CSMD2: variants seen among roughly 807,000 people sequenced by gnomAD.
The protein encoded by CSMD2 is CUB and Sushi multiple domains 2.
A neutral mutation model predicts 398.5 loss-of-function variants in CSMD2; 130 were observed. That is an observed-to-expected ratio of 0.33 (90% confidence interval 0.28 to 0.38). The LOEUF (loss-of-function observed/expected upper bound fraction) is 0.38. Ranked by LOEUF, CSMD2 falls within the 10% of genes least tolerant of loss-of-function variation. The pLI, the probability that CSMD2 is intolerant of heterozygous loss-of-function variation, is 1.00. For synonymous variants in CSMD2, 1,828 were observed against 1,908.5 expected, an observed-to-expected ratio of 0.96 and a Z score of 1.10; for missense variants, 3,829 against 4,764.9, an observed-to-expected ratio of 0.80 and a Z score of 5.78.
chr1:34,040,310 C>A (rs1651704993), intron 2 of CSMD2, among the ~76,000 whole-genome samples: 1 of 152,132 alleles, frequency 6.6e-6, no homozygotes, highest in Non-Finnish European at 1.5e-5. Context: ...TATTTTAGGT[C>A]AACAAAGTCC....
chr1:33,575,274 G>A (rs1223408322), intron 49 of CSMD2, among the ~76,000 whole-genome samples: 1 of 152,188 alleles, frequency 6.6e-6, no homozygotes. Context: ...AGGAAGAGTG[G>A]AAAAGTCATG....
intron 29 of CSMD2, among the ~76,000 whole-genome samples, chr1:33,639,895 C>T (rs992478670): frequency 3.3e-5 from 5 of 152,166 alleles, no homozygotes; most frequent in Non-Finnish European, 4.4e-5. Context: ...ATTTGTGTCT[C>T]ACAATACCCT....
At chr1:33,955,578 A>C (rs1645141075) in intron 3 of CSMD2, among the ~76,000 whole-genome samples, 1 of 152,162 alleles carries the variant, frequency 6.6e-6, no homozygotes, top group Admixed American at 6.5e-5. Context: ...ATCTTAACGA[A>C]AGTCACTCAG....
Position 33,633,395 on chromosome 1 carries a change from T to A in CSMD2, c.5200+27A>T. On this transcript the variant is annotated intron_variant, in intron 32 of 70. Transcript: ENST00000373381. This position sits in a 1 kb window ranked among gnomAD's most constrained non-coding sequence, Gnocchi z 5.0. ...ACGTGATGCCCCCGGCCCACAACCA[T>A]CCCCACACTGGCCGAGCCCCGGATA... 6.6e-7 allele frequency: 1 copy of A among 1,508,582 alleles called. No individual in the cohort carries two copies. Among genetic ancestry groups the A allele is most frequent in the Non-Finnish European group, 9.0e-7 (1 of 1,109,168 alleles). The allele number at this position is 1,508,582 out of a possible 1,614,324, so 93.4% of individuals were successfully genotyped here. A position where few individuals can be genotyped will look rare whatever the true frequency, so the allele number is the denominator to read the frequency against.
chr1:33,682,583 G>T (rs1644942726), intron 25 of CSMD2, among the ~76,000 whole-genome samples: 1 of 152,226 alleles, frequency 6.6e-6, no homozygotes, highest in Non-Finnish European at 1.5e-5. Flanking sequence ...TTATGGAAAA[G>T]AAAAGGAGTC....
At chr1:33,542,635 C>T in intron 58 of CSMD2, 85 bp downstream of exon 58, 9 of 1,267,732 alleles carry the variant, frequency 7.1e-6, no homozygotes, top group African/African-American at 1.5e-5. Flanking sequence ...CCATTCTGCA[C>T]CATCTTCCAT....
In CSMD2 at chr1:33,763,539, G is replaced by T. The variant is rs144235569; in HGVS notation, c.1846+9030C>A. ...TCCTATAAAGTACCTGACTGTTTAG[G>T]CATAAAGGAAACAAGTGATGTATGT... On this transcript the variant is annotated intron_variant, in intron 13 of 70. Transcript: ENST00000373381. Among the ~76,000 whole-genome samples the T allele has an allele frequency of 9.8e-5, 15 of 152,286 alleles. No individual in the cohort carries two copies. The East Asian group carries it at 1.9e-3, about 20-fold the overall frequency.
At chr1:33,903,433 TATTA>T (rs1438589334) in intron 5 of CSMD2, among the ~76,000 whole-genome samples, 6 of 152,146 alleles carry the variant, frequency 3.9e-5, no homozygotes, top group Non-Finnish European at 8.8e-5. Flanking sequence ...GCTGATTAAT[TATTA>T]ATCAGACTGA....
chr1:33,870,459 C>T (rs1425361738), intron 5 of CSMD2: 1 of 152,156 alleles, frequency 6.6e-6, no homozygotes, highest in Non-Finnish European at 1.5e-5. Context: ...TTACCAGTGA[C>T]ACAATGAACA....
At chr1:34,138,427 C>T (rs539257193) in intron 1 of CSMD2, among the ~76,000 whole-genome samples, 1 of 152,330 alleles carries the variant, frequency 6.6e-6, no homozygotes, top group East Asian at 1.9e-4. Context: ...TCCTTCACCT[C>T]CCTGAGCCTC....
At chr1:33,757,351 A>T (rs1649182368) in intron 13 of CSMD2, among the ~76,000 whole-genome samples, 1 of 152,150 alleles carries the variant, frequency 6.6e-6, no homozygotes, top group Non-Finnish European at 1.5e-5. Context: ...TTGTCACAGC[A>T]ACTTAAAACA....
At chr1:33,930,558 C>A (rs534789546) in intron 4 of CSMD2, among the ~76,000 whole-genome samples, 1 of 152,344 alleles carries the variant, frequency 6.6e-6, no homozygotes, top group Non-Finnish European at 1.5e-5. Flanking sequence ...CTCTGGCCAG[C>A]TTTCTCCCTA....
At chr1:34,103,579 G>A (rs769273886) in intron 1 of CSMD2, among the ~76,000 whole-genome samples, 2 of 152,118 alleles carry the variant, frequency 1.3e-5, no homozygotes, top group Non-Finnish European at 2.9e-5. Flanking sequence ...ACAGGTGTGA[G>A]CCACTGCGTC....
chr1:33,544,273 ATTT>A (rs34986232), intron 57 of CSMD2, among the ~76,000 whole-genome samples: 1 of 136,942 alleles, frequency 7.3e-6, no homozygotes. Context: ...CGACCGGCTA[ATTT>A]TTTTTTTTTT....
intron 44 of CSMD2, chr1:33,591,791 A>ATT (rs769180667): frequency 2.1e-5 from 3 of 141,646 alleles, no homozygotes; most frequent in Non-Finnish European, 3.1e-5. Context: ...CACCCAGCTA[A>ATT]TTTTTTTTTT....
chr1:33,607,046 A>G lies in CSMD2; in HGVS notation c.6344-1576T>C, dbSNP rs141773397. Among the ~76,000 whole-genome samples, 928 of 152,370 alleles carry G rather than the reference A, an allele frequency of 6.1e-3. 11 individuals carry two copies. Among genetic ancestry groups the G allele is most frequent in the African/African-American group, 0.021 (884 of 41,594 alleles). On this transcript the variant is annotated intron_variant, in intron 41 of 70. Coordinates refer to ENST00000373381, the MANE Select transcript of CSMD2 (RefSeq NM_001281956.2). ...GGAACACACTTCCAAACAAAGTGCCATAATCAGGTAGATACAATTTCAAGC... is the reference window on the plus strand; with the variant it reads ...GGAACACACTTCCAAACAAAGTGCCGTAATCAGGTAGATACAATTTCAAGC...
chr1:33,661,032 G>T (rs1644112701), intron 26 of CSMD2, among the ~76,000 whole-genome samples: 1 of 152,188 alleles, frequency 6.6e-6, no homozygotes, highest in Admixed American at 6.5e-5. Context: ...GAACCTTGAA[G>T]GATGAATAGG....
intron 4 of CSMD2, among the ~76,000 whole-genome samples, chr1:33,923,156 A>C (rs1198373850): frequency 6.6e-6 from 1 of 152,136 alleles, no homozygotes; most frequent in Non-Finnish European, 1.5e-5. Context: ...CATGCATAGT[A>C]GGTGATATAG....
chr1:33,960,562 G>A (rs1400901495), intron 3 of CSMD2, among the ~76,000 whole-genome samples: 6 of 152,200 alleles, frequency 3.9e-5, no homozygotes, highest in African/African-American at 1.2e-4. Context: ...GTGTTGTGGG[G>A]GAGACAGATG....
Sources: allele counts gnomAD v4.1 joint callset (sites outside exome capture counted in the v4.1 genomes callset), GRCh38; gene constraint gnomAD v4.1.1; non-coding constraint Gnocchi (gnomAD v3.1); transcripts MANE v1.5; gene names NCBI Gene and HGNC (gene_info 2026-07-23, HGNC 2026-07-21).